Variants in SWI5 observed in about 807,000 individuals in gnomAD.
SWI5 encodes SWI5 homologous recombination repair protein, also known as DNA repair protein SWI5 homolog.
Under a neutral mutation model 17.0 loss-of-function variants are expected in SWI5, and 12 were observed. The ratio of observed to expected loss-of-function variants is 0.71; its 90% CI spans 0.45 to 1.14. The LOEUF (loss-of-function observed/expected upper bound fraction) is 1.14, where lower values mean the gene tolerates loss of function less well. Ranked by LOEUF, SWI5 falls within the 50% of genes most tolerant of loss-of-function variation. The pLI, the probability that SWI5 is intolerant of heterozygous loss-of-function variation, is 0.00. For missense variants in SWI5, 158 were observed against 162.2 expected, an observed-to-expected ratio of 0.97 and a Z score of 0.14; for synonymous variants, 61 against 64.0, an observed-to-expected ratio of 0.95 and a Z score of 0.22.
At chr9:128,281,196 C>G (rs1423120071) in intron 2 of SWI5, among the ~76,000 whole-genome samples, 1 of 151,916 alleles carries the variant, frequency 6.6e-6, no homozygotes, top group African/African-American at 2.4e-5. Context: ...CACCACCATG[C>G]CTGGCTAATT....
intron 4 of SWI5, among the ~76,000 whole-genome samples, chr9:128,287,117 G>T (rs1307355126): frequency 6.8e-6 from 1 of 146,866 alleles, no homozygotes; most frequent in African/African-American, 2.5e-5. Context: ...CTCCAGCCTG[G>T]GCAACAGGAG....
chr9:128,277,552 C>G (rs1381063953), intron 2 of SWI5, among the ~76,000 whole-genome samples: 2 of 151,970 alleles, frequency 1.3e-5, no homozygotes, highest in Non-Finnish European at 2.9e-5. Flanking sequence ...AGACAAGTCT[C>G]AAAAACAAAA....
chr9:128,276,277 G>A (rs375624870), exon 1 of SWI5: 15 of 1,612,746 alleles, frequency 9.3e-6, no homozygotes, highest in Admixed American at 3.3e-5. Flanking sequence ...CTGTGCGCCA[G>A]TTCACACTCC....
chr9:128,286,317 G>A lies in SWI5; in HGVS notation c.328+284G>A, dbSNP rs920264565. 5 of 409,882 alleles carry A rather than the reference G, an allele frequency of 1.2e-5. No homozygotes were observed. In the East Asian group the frequency reaches 1.7e-4, roughly 14 times the overall value. 25.4% of individuals were successfully genotyped at this position (409,882 alleles called of 1,614,324 possible). A position where few individuals can be genotyped will look rare whatever the true frequency, so the allele number is the denominator to read the frequency against. On this transcript the variant is annotated intron_variant, in intron 4 of 4. Coordinates refer to ENST00000418976, the Ensembl canonical transcript of SWI5. ...ACTCAGGGTCTCCCCAGTCTTCTGG[G>A]ACCTACTCAGAGTGATCAAGATACC...
upstream of SWI5, chr9:128,275,620 G>A (rs1349127949): frequency 1.1e-5 from 9 of 801,396 alleles, no homozygotes; most frequent in African/African-American, 1.9e-5. Flanking sequence ...GCCCAGGGAG[G>A]TCGGACTTCG....
chr9:128,276,881 G>T, intron 2 of SWI5, 126 bp downstream of exon 2: 2 of 998,570 alleles, frequency 2.0e-6, no homozygotes, highest in South Asian at 3.1e-5. Context: ...TCTCCCAGTC[G>T]ACTGAGAACC....
chr9:128,276,125 GA>G (rs756984174), upstream of SWI5: 4 of 1,565,736 alleles, frequency 2.6e-6, no homozygotes, highest in Non-Finnish European at 2.6e-6. Context: ...TGAGAAATAT[GA>G]AGCGGAAGGG....
chr9:128,276,370 G>A, exon 1 of SWI5: 1 of 1,613,258 alleles, frequency 6.2e-7, no homozygotes, highest in Non-Finnish European at 8.5e-7. Flanking sequence ...TGAACCCCCT[G>A]ATCCGGGGGC....
upstream of SWI5, chr9:128,276,232 CG>C (rs768426430): frequency 1.2e-6 from 2 of 1,612,006 alleles, no homozygotes; most frequent in East Asian, 4.5e-5. Context: ...GGGAGAGGGG[CG>C]GGGCCGGCTT....
At chr9:128,275,758 T>C, upstream of SWI5, 3 of 594,560 alleles carry the variant, frequency 5.0e-6, no homozygotes, top group Non-Finnish European at 8.7e-6. Flanking sequence ...GACAAGACTT[T>C]GGTGGAGGGA....
intron 2 of SWI5, among the ~76,000 whole-genome samples, chr9:128,282,955 A>G (rs1831566620): frequency 6.6e-6 from 1 of 152,236 alleles, no homozygotes; most frequent in Admixed American, 6.5e-5. Context: ...AGGCGGGCAG[A>G]TCACTTGAGG....
intron 2 of SWI5, among the ~76,000 whole-genome samples, chr9:128,280,890 G>A (rs537158254): frequency 5.3e-4 from 80 of 152,084 alleles, no homozygotes; most frequent in African/African-American, 1.9e-3. Context: ...TCATTCCCCC[G>A]AACACATGTG....
chr9:128,280,033 T>C (rs1831509187), intron 2 of SWI5, among the ~76,000 whole-genome samples: 1 of 152,336 alleles, frequency 6.6e-6, no homozygotes, highest in South Asian at 2.1e-4. Flanking sequence ...TAATGATTAA[T>C]AGTGTTTATA....
chr9:128,285,965 A>G lies in SWI5; in HGVS notation c.260A>G (p.Asp87Gly). 2 of 1,614,084 alleles carry G rather than the reference A, an allele frequency of 1.2e-6. No homozygotes were observed. Among genetic ancestry groups the G allele is most frequent in the Non-Finnish European group, 8.5e-7 (1 of 1,179,940 alleles). Residue 87 changes from aspartate (D) to glycine (G), a missense_variant, in exon 4 of 5, where the codon GAC (aspartate) becomes GGC (glycine). Transcript: ENST00000418976. This position sits in a 1 kb window ranked among gnomAD's most constrained non-coding sequence, Gnocchi z 4.8. ...GGCTACAGTGTGGATGAACTGGAGG[A>G]CCACATTACCCAGCTTCACGAGTAC...
At chr9:128,280,457 C>T (rs926389593) in intron 2 of SWI5, among the ~76,000 whole-genome samples, 1 of 151,546 alleles carries the variant, frequency 6.6e-6, no homozygotes, top group East Asian at 1.9e-4. Context: ...TTGAAGTGTG[C>T]TCTGCCTCTT....
intron 4 of SWI5, 99 bp downstream of exon 4, chr9:128,286,132 C>T (rs1361202472): frequency 1.7e-5 from 14 of 840,068 alleles, no homozygotes; most frequent in South Asian, 3.1e-5. Context: ...GCTTGCCAAC[C>T]GTCACACCCT....
chr9:128,284,484 G>A (rs1422078530), intron 2 of SWI5, 26 bp from the exon 3 acceptor site: 2 of 1,609,802 alleles, frequency 1.2e-6, no homozygotes, highest in African/African-American at 2.7e-5. Flanking sequence ...TGGTCAGTCT[G>A]GCTGATGACT....
At chr9:128,282,988 G>A (rs78898910) in intron 2 of SWI5, among the ~76,000 whole-genome samples, 1 of 152,194 alleles carries the variant, frequency 6.6e-6, no homozygotes, top group Non-Finnish European at 1.5e-5. Flanking sequence ...GACCAGCCTG[G>A]CCAACATGGC....
At chr9:128,278,772 T>C (rs1831483192) in intron 2 of SWI5, 2 of 428,696 alleles carry the variant, frequency 4.7e-6, no homozygotes, top group Non-Finnish European at 9.4e-6. Flanking sequence ...TTTTTGGTTT[T>C]TTTTGTTTTT....
Sources: allele counts gnomAD v4.1 joint callset (sites outside exome capture counted in the v4.1 genomes callset), GRCh38; gene constraint gnomAD v4.1.1; non-coding constraint Gnocchi (gnomAD v3.1); transcripts MANE v1.5; gene names NCBI Gene and HGNC (gene_info 2026-07-23, HGNC 2026-07-21).